The following ARHGEF28 variants were observed in gnomAD, a reference collection of about 807,000 sequenced individuals.
ARHGEF28 encodes 190 kDa guanine nucleotide exchange factor.
Under a neutral mutation model 206.6 loss-of-function variants are expected in ARHGEF28, and 152 were observed. That is an observed-to-expected ratio of 0.74 (90% CI 0.64 to 0.84). The LOEUF is 0.84. Ranked by LOEUF, ARHGEF28 falls within the 40% of genes least tolerant of loss-of-function variation. The pLI is 0.00. For missense variants in ARHGEF28, 2,028 were observed against 2,073.2 expected (o/e 0.98, Z 0.42); for synonymous variants, 763 against 776.4 (o/e 0.98, Z 0.29).
In ARHGEF28 at chr5:73,901,195, G is replaced by A; in HGVS notation, c.3985G>A (p.Gly1329Arg). ...TGGCGTGCTTCCAGCATTAGTCACA[G>A]GAGGGAGAGAAGGAAGAGGCTGTTC... ...PGSPTASLVT[G>R]GREGRGCSDV... Residue 1329 changes from glycine (G) to arginine (R), a missense_variant, in exon 31 of 36, where the codon GGA (glycine) becomes AGA (arginine). Transcript: ENST00000513042. 6.2e-7 allele frequency: 1 copy of A among 1,613,246 alleles called. No homozygotes were observed. The highest frequency in any genetic ancestry group is 8.5e-7 in the Non-Finnish European group (1 of 1,179,600).
chr5:73,823,923 TTAA>T (rs1186383749), intron 9 of ARHGEF28, among the ~76,000 whole-genome samples: 1 of 152,174 alleles, frequency 6.6e-6, no homozygotes, highest in Non-Finnish European at 1.5e-5. Flanking sequence ...ATGAAATGTG[TTAA>T]TAAATATTAA....
intron 9 of ARHGEF28, among the ~76,000 whole-genome samples, chr5:73,812,071 TTTTG>T (rs1304043214): frequency 6.6e-6 from 1 of 152,154 alleles, no homozygotes; most frequent in Non-Finnish European, 1.5e-5. Context: ...TCTAGTTGTA[TTTTG>T]TTTTAGTTGT....
intron 31 of ARHGEF28, chr5:73,901,771 G>T (rs1334913984): frequency 6.5e-6 from 1 of 152,808 alleles, no homozygotes; most frequent in Non-Finnish European, 1.5e-5. Context: ...TTTTTTTGTG[G>T]TTAATTTTTA....
At chr5:73,785,338 T>C (rs1754098659) in intron 7 of ARHGEF28, among the ~76,000 whole-genome samples, 1 of 152,194 alleles carries the variant, frequency 6.6e-6, no homozygotes, top group Non-Finnish European at 1.5e-5. Flanking sequence ...CAACCTCTCA[T>C]AGAAACCGTC....
chr5:73,736,780 G>A (rs1472632845), intron 2 of ARHGEF28, among the ~76,000 whole-genome samples: 1 of 151,938 alleles, frequency 6.6e-6, no homozygotes, highest in African/African-American at 2.4e-5. Context: ...TCTGCAAATA[G>A]GTACCTGCCA....
At chr5:73,793,889 C>T (rs909151282) in intron 7 of ARHGEF28, among the ~76,000 whole-genome samples, 3 of 151,602 alleles carry the variant, frequency 2.0e-5, no homozygotes, top group South Asian at 2.1e-4. Flanking sequence ...CCGGTGTGCC[C>T]GGGGCTGAGG....
intron 4 of ARHGEF28, among the ~76,000 whole-genome samples, chr5:73,766,560 C>A: frequency 6.6e-6 from 1 of 152,180 alleles, no homozygotes; most frequent in Non-Finnish European, 1.5e-5. Context: ...TTTAAATTAG[C>A]AGATCCCAAC....
At chr5:73,802,256 A>G (rs1755184851) in intron 9 of ARHGEF28, among the ~76,000 whole-genome samples, 1 of 150,962 alleles carries the variant, frequency 6.6e-6, no homozygotes, top group South Asian at 2.1e-4. Context: ...AAGAAGAATC[A>G]AGTGACTGTA....
At chr5:73,773,186 G>T (rs1472143234) in intron 4 of ARHGEF28, among the ~76,000 whole-genome samples, 2 of 152,186 alleles carry the variant, frequency 1.3e-5, no homozygotes, top group South Asian at 2.1e-4. Flanking sequence ...ACAGAGAGCG[G>T]CAAACACCAC....
intron 2 of ARHGEF28, among the ~76,000 whole-genome samples, chr5:73,700,055 G>A (rs1256511913): frequency 1.3e-5 from 2 of 152,160 alleles, no homozygotes; most frequent in African/African-American, 2.4e-5. Flanking sequence ...CCCATTCAAT[G>A]TTCTAATATG....
intron 2 of ARHGEF28, among the ~76,000 whole-genome samples, chr5:73,730,659 C>T (rs35148675): frequency 2.6e-5 from 4 of 151,842 alleles, no homozygotes; most frequent in Admixed American, 6.5e-5. Flanking sequence ...CTCAGGCCCC[C>T]GAGTAGTTGG....
intron 4 of ARHGEF28, among the ~76,000 whole-genome samples, chr5:73,756,823 A>G (rs1237458104): frequency 6.6e-6 from 1 of 152,226 alleles, no homozygotes; most frequent in Non-Finnish European, 1.5e-5. Context: ...ATTAGATACT[A>G]GGTAGAAGGA....
At chr5:73,781,306 G>C (rs1442517520) in intron 7 of ARHGEF28, among the ~76,000 whole-genome samples, 6 of 152,180 alleles carry the variant, frequency 3.9e-5, no homozygotes, top group Non-Finnish European at 1.5e-5. Flanking sequence ...GTGATTCAGA[G>C]ACGGCATGTG....
At chr5:73,889,331 G>C (rs1761489608) in intron 26 of ARHGEF28, among the ~76,000 whole-genome samples, 1 of 152,246 alleles carries the variant, frequency 6.6e-6, no homozygotes, top group South Asian at 2.1e-4. Context: ...AAAGTAGCAA[G>C]AGGATGGAGT....
At chr5:73,628,554 T>A (rs1359052438) in intron 1 of ARHGEF28, among the ~76,000 whole-genome samples, 2 of 152,170 alleles carry the variant, frequency 1.3e-5, no homozygotes, top group Non-Finnish European at 2.9e-5. Context: ...GTAATTGCAT[T>A]TGTATTTATG....
Position 73,742,833 on chromosome 5 carries a change from A to T in ARHGEF28, c.34-7004A>T, listed in dbSNP as rs1751520739. Among the ~76,000 whole-genome samples the T allele has an allele frequency of 3.3e-5, 5 of 149,670 alleles. No homozygotes were observed. In the South Asian group the frequency reaches 1.0e-3, roughly 31 times the overall value. ...GCGACAGAGCGAGACTCCGTCTCAA[A>T]AAAAAAAAAAAAAAAAAAGTACTTT... On this transcript the variant is annotated intron_variant, in intron 2 of 35. Coordinates refer to ENST00000513042, the MANE Select transcript of ARHGEF28 (RefSeq NM_001177693.2).
intron 11 of ARHGEF28, among the ~76,000 whole-genome samples, chr5:73,844,075 C>G (rs1308149890): frequency 6.6e-6 from 1 of 152,130 alleles, no homozygotes; most frequent in Admixed American, 6.5e-5. Flanking sequence ...AAACAAGAAC[C>G]TAGAGGTTAT....
intron 9 of ARHGEF28, among the ~76,000 whole-genome samples, chr5:73,804,426 A>C (rs1177926481): frequency 6.6e-6 from 1 of 152,248 alleles, no homozygotes; most frequent in African/African-American, 2.4e-5. Flanking sequence ...CAGGACTTGA[A>C]TTCTACATAT....
At chr5:73,867,362 T>C (rs1313973888) in intron 18 of ARHGEF28, among the ~76,000 whole-genome samples, 1 of 152,204 alleles carries the variant, frequency 6.6e-6, no homozygotes, top group African/African-American at 2.4e-5. Flanking sequence ...GTTTTCCATG[T>C]GTGAGAGAGA....
Sources: allele counts gnomAD v4.1 joint callset (sites outside exome capture counted in the v4.1 genomes callset), GRCh38; gene constraint gnomAD v4.1.1; transcripts MANE v1.5; gene names NCBI Gene and HGNC (gene_info 2026-07-23, HGNC 2026-07-21).